Variants in BICRAL observed in about 807,000 individuals in gnomAD.
BICRAL encodes BICRA like chromatin remodeling complex associated protein.
In BICRAL, 8 loss-of-function variants were observed where a neutral mutation model predicts 91.8. The observed-to-expected ratio is 0.09, with a 90% CI of 0.05 to 0.16. The LOEUF is 0.16. Ranked by LOEUF, BICRAL falls within the 10% of genes least tolerant of loss-of-function variation. The probability of loss-of-function intolerance (pLI) is 1.00; values close to 1 mark genes in which losing one functional copy is unlikely to be tolerated. For synonymous variants in BICRAL, 445 were observed against 491.1 expected, an observed-to-expected ratio of 0.91 and a Z score of 1.24; for missense variants, 1,038 against 1,310.9, an observed-to-expected ratio of 0.79 and a Z score of 3.21.
intron 5 of BICRAL, among the ~76,000 whole-genome samples, chr6:42,826,942 A>C (rs1764324680): frequency 1.3e-5 from 2 of 151,110 alleles, no homozygotes; most frequent in Non-Finnish European, 1.5e-5. Flanking sequence ...ATGCGCCACC[A>C]CCCCCAGCTA....
At chr6:42,819,588 T>C (rs2113935446) in intron 2 of BICRAL, among the ~76,000 whole-genome samples, 1 of 152,324 alleles carries the variant, frequency 6.6e-6, no homozygotes, top group South Asian at 2.1e-4. Context: ...GCCCGGCCTA[T>C]CTTCTCATTT....
intron 6 of BICRAL, among the ~76,000 whole-genome samples, chr6:42,835,153 G>A (rs895698792): frequency 1.6e-4 from 24 of 148,582 alleles, no homozygotes; most frequent in Non-Finnish European, 3.3e-4. Flanking sequence ...TTTTGAGTCA[G>A]AGTCTCACTC....
At chr6:42,851,412 T>G (rs1328999569) in intron 6 of BICRAL, among the ~76,000 whole-genome samples, 1 of 152,096 alleles carries the variant, frequency 6.6e-6, no homozygotes, top group Non-Finnish European at 1.5e-5. Flanking sequence ...TTTTAAGAAC[T>G]AAAAGGAACT....
rs35519893 is a variant in BICRAL at position 42,820,869 on chromosome 6, C to T, written c.-5-1149C>T. On this transcript the variant is annotated intron_variant, in intron 2 of 12. Coordinates refer to ENST00000314073, the MANE Select transcript of BICRAL (RefSeq NM_001393499.1). Reference sequence around the variant, plus strand: ...GGCAGATCCCAGTGGGGGTACTTACCCCTTCCAGACTCTTCCTGAGGAAAG... The same window carrying T: ...GGCAGATCCCAGTGGGGGTACTTACTCCTTCCAGACTCTTCCTGAGGAAAG... Among the ~76,000 whole-genome samples the T allele has an allele frequency of 1.2e-3, 180 of 152,282 alleles. 6 individuals carry two copies. The East Asian group carries it at 0.028, about 24-fold the overall frequency.
At chr6:42,842,143 A>G (rs1266568427) in intron 6 of BICRAL, among the ~76,000 whole-genome samples, 2 of 152,150 alleles carry the variant, frequency 1.3e-5, no homozygotes, top group Admixed American at 1.3e-4. Flanking sequence ...AAAACTGTGG[A>G]TGCCTGAGCC....
At position 42,802,428 on chromosome 6, in the gene BICRAL, T is replaced by TTG. The variant is rs1554277648; in HGVS notation, c.-101-7877_-101-7876insGT. On this transcript the variant is annotated intron_variant, in intron 1 of 12. Transcript: ENST00000314073. ...GCTCTTTCAGCTTTTCGTGTTTTTT[T>TTG]TTGTTGTTGTTGTTGTTGTTGTTGT... 5.8e-3 allele frequency among the ~76,000 whole-genome samples: 605 copies of TTG among 104,032 alleles called. 3 individuals are homozygous for TTG. The highest frequency in any genetic ancestry group is 0.014 in the Admixed American group (149 of 10,836). 68.2% of individuals were successfully genotyped at this position (104,032 alleles called of 152,430 possible).
intron 1 of BICRAL, among the ~76,000 whole-genome samples, chr6:42,776,499 C>T (rs902657668): frequency 3.9e-5 from 6 of 152,002 alleles, no homozygotes; most frequent in Admixed American, 6.6e-5. Context: ...AGGCACATGC[C>T]ACCATGCCCA....
At chr6:42,863,926 G>C (rs908626649) in intron 12 of BICRAL, among the ~76,000 whole-genome samples, 13 of 152,098 alleles carry the variant, frequency 8.5e-5, no homozygotes, top group Non-Finnish European at 1.6e-4. Context: ...CACTTTCGGA[G>C]GCCGAGGTGG....
intron 1 of BICRAL, among the ~76,000 whole-genome samples, chr6:42,762,380 GAC>G (rs1762563974): frequency 6.6e-6 from 1 of 152,172 alleles, no homozygotes; most frequent in African/African-American, 2.4e-5. Flanking sequence ...TGATTTCAAT[GAC>G]AGTTTTAAAA....
chr6:42,856,051 G>C (rs563702724), intron 9 of BICRAL, 134 bp downstream of exon 9: 2 of 751,820 alleles, frequency 2.7e-6, no homozygotes, highest in East Asian at 2.6e-5. Context: ...TTGAGGCAAG[G>C]CATGGTGACT....
chr6:42,806,763 C>T (rs918843625), intron 1 of BICRAL, among the ~76,000 whole-genome samples: 1 of 151,970 alleles, frequency 6.6e-6, no homozygotes, highest in Admixed American at 6.6e-5. Context: ...GATCTGCTCA[C>T]CTTGACCTCC....
At chr6:42,806,324 T>C (rs1251344177) in intron 1 of BICRAL, among the ~76,000 whole-genome samples, 1 of 152,122 alleles carries the variant, frequency 6.6e-6, no homozygotes, top group Non-Finnish European at 1.5e-5. Context: ...AATCAGAATC[T>C]CCAGGGTTGG....
chr6:42,815,665 CTTAA>C (rs1009742622), intron 2 of BICRAL, among the ~76,000 whole-genome samples: 17 of 152,052 alleles, frequency 1.1e-4, no homozygotes, highest in Admixed American at 7.2e-4. Flanking sequence ...TTGCTGTGAA[CTTAA>C]TTAAATTCAG....
At chr6:42,812,981 G>T (rs1048655767) in intron 2 of BICRAL, among the ~76,000 whole-genome samples, 8 of 152,308 alleles carry the variant, frequency 5.3e-5, no homozygotes, top group Admixed American at 2.0e-4. Flanking sequence ...GCTGCAATCC[G>T]CTGTGATCCT....
intron 1 of BICRAL, among the ~76,000 whole-genome samples, chr6:42,757,245 T>G (rs1762475976): frequency 1.4e-5 from 2 of 143,258 alleles, no homozygotes; most frequent in Non-Finnish European, 3.0e-5. Context: ...ATATAAATAG[T>G]TTTTTTTTAA....
At chr6:42,821,626 G>T (rs1764138893) in intron 2 of BICRAL, among the ~76,000 whole-genome samples, 1 of 152,144 alleles carries the variant, frequency 6.6e-6, no homozygotes, top group African/African-American at 2.4e-5. Flanking sequence ...AAAATTAAAA[G>T]ACCTCTATGT....
intron 1 of BICRAL, among the ~76,000 whole-genome samples, chr6:42,787,454 G>A (rs1763132500): frequency 1.3e-5 from 2 of 152,046 alleles, no homozygotes; most frequent in Non-Finnish European, 2.9e-5. Flanking sequence ...AACTGATTGA[G>A]ATTGTTTGTG....
chr6:42,817,449 T>C (rs1221976961), intron 2 of BICRAL, among the ~76,000 whole-genome samples: 2 of 151,916 alleles, frequency 1.3e-5, no homozygotes, highest in Non-Finnish European at 2.9e-5. Context: ...TTTTAAAGTA[T>C]ATAATTCAGT....
rs1223716990 is a variant in BICRAL at position 42,862,557 on chromosome 6, C to T, written c.2397C>T (p.Asn799=). 2 of 1,612,528 alleles carry T rather than the reference C, an allele frequency of 1.2e-6. No homozygotes were observed. Among genetic ancestry groups the T allele is most frequent in the African/African-American group, 1.3e-5 (1 of 74,998 alleles). ...AEMVMIDRMF[N]QEERASLSRD... ...TGGTGATGATCGATAGGATGTTCAA[C>T]CAGGAGGAAAGAGCTTCCCTGTCCC... The change falls in exon 12 of 13, where the codon AAC becomes AAT. Residue 799 remains asparagine (N), a synonymous_variant. Coordinates refer to ENST00000314073, the MANE Select transcript of BICRAL (RefSeq NM_001393499.1).
Sources: gnomAD v4.1 joint callset for allele counts (sites outside exome capture counted in the v4.1 genomes callset) on GRCh38, gnomAD v4.1.1 for gene constraint, MANE v1.5 for transcripts, NCBI Gene and HGNC (gene_info 2026-07-23, HGNC 2026-07-21) for gene names.